Variants in IGFN1 observed in about 807,000 individuals in gnomAD.
IGFN1 encodes immunoglobulin like and fibronectin type III domain containing 1.
A neutral mutation model predicts 289.5 loss-of-function variants in IGFN1; 253 were observed. The observed-to-expected ratio is 0.87, with a 90% CI of 0.79 to 0.97. IGFN1 has a LOEUF of 0.97. IGFN1 is among the 50% of genes least tolerant of loss of function. The pLI is 0.00. For synonymous variants in IGFN1, 1,706 were observed against 1,788.5 expected (o/e 0.95, Z 1.16); for missense variants, 4,470 against 4,686.1 (o/e 0.95, Z 1.35).
chr1:201,207,174 C>T lies in IGFN1; in HGVS notation c.2281C>T (p.Arg761Trp), dbSNP rs547402627. ...DSLQEADGIC[R>W]GESVVTGSAY... ...ACTGCAGGAGGCAGATGGTATATGC[C>T]GGGGGGAGTCTGTAGTTACAGGAAG... The change falls in exon 12 of 24, where the codon CGG becomes TGG. Residue 761 changes from arginine (R) to tryptophan (W), a missense_variant. By Grantham distance (101) the Arg-to-Trp change is moderately radical. Around this residue, in one of 8 missense-constraint regions of IGFN1, gnomAD observed 2,011 missense variants for 1,953.4 expected, o/e 1.03. Transcript: ENST00000335211. The T allele has an allele frequency of 1.0e-4, 155 of 1,536,778 alleles. No individual in the cohort carries two copies. In the African/African-American group the frequency reaches 1.6e-3, roughly 16 times the overall value.
In IGFN1 at chr1:201,211,054, A is replaced by C. The variant is rs761386904; in HGVS notation, c.6161A>C (p.Asp2054Ala). ...TCAGGAAGTAAGGCAGGTTTTAGGG[A>C]TGGTTTAGGGAGTTCTGTAGAAATG... ...IGSGSKAGFR[D>A]GLGSSVEMGS... is the part of the protein sequence containing the mutation. Residue 2054 changes from aspartate to alanine, a missense_variant, in exon 12 of 24, where the codon GAT becomes GCT. Around this residue, in one of 8 missense-constraint regions of IGFN1, gnomAD observed 20 missense variants for 29.1 expected, o/e 0.69. Transcript: ENST00000335211. 2.0e-6 allele frequency: 3 copies of C among 1,499,388 alleles called. No individual in the cohort carries two copies. The South Asian group carries it at 3.7e-5, about 18-fold the overall frequency. The allele number at this position is 1,499,388 out of a possible 1,614,324, so 92.9% of individuals were successfully genotyped here.
At chr1:201,227,231 T>G (rs1476310779) in intron 23 of IGFN1, 23 bp downstream of exon 23, 1 of 1,533,840 alleles carries the variant, frequency 6.5e-7, no homozygotes, top group Admixed American at 2.0e-5. Flanking sequence ...GCCCTGGCAG[T>G]GGGGCAGGAA....
In IGFN1 at chr1:201,218,591, T is replaced by C. The variant is rs1217767081; in HGVS notation, c.9831T>C (p.Ala3277=). The part of the protein sequence containing the change: ...QGCQYEFRVT[A]VAPSGPGEPG... ...GTCAGTATGAGTTCCGGGTCACAGC[T>C]GTGGCTCCCTCAGGTCCCGGAGAGC... Residue 3277 remains alanine, a synonymous_variant, in exon 18 of 24, where the codon GCT becomes GCC. Coordinates refer to ENST00000335211, the MANE Select transcript of IGFN1 (RefSeq NM_001164586.2). 1.9e-6 allele frequency: 3 copies of C among 1,613,152 alleles called. No homozygotes were observed. The highest frequency in any genetic ancestry group is 2.5e-6 in the Non-Finnish European group (3 of 1,179,936).
In IGFN1 at chr1:201,201,915, A is replaced by T. The variant is rs948709239; in HGVS notation, c.747+83A>T. The T allele has an allele frequency of 1.2e-5, 9 of 726,582 alleles. No homozygotes were observed. The East Asian group carries it at 1.4e-4, about 11-fold the overall frequency. 45.0% of individuals were successfully genotyped at this position (726,582 alleles called of 1,614,324 possible). Reference sequence around the variant, plus strand: ...GGAGAGGGAACTATGGGTACCCTGCATTCCTCCAAGGGAACAACCAGAGCA... The same window carrying T: ...GGAGAGGGAACTATGGGTACCCTGCTTTCCTCCAAGGGAACAACCAGAGCA... On this transcript the variant is annotated intron_variant, in intron 9 of 23. Coordinates refer to ENST00000335211, the MANE Select transcript of IGFN1 (RefSeq NM_001164586.2).
At chr1:201,201,539 T>C (rs924468146) in intron 8 of IGFN1, among the ~76,000 whole-genome samples, 180 bp from the exon 9 acceptor site, 4 of 152,222 alleles carry the variant, frequency 2.6e-5, no homozygotes, top group Admixed American at 2.6e-4. Flanking sequence ...TGATCTGATC[T>C]CTCATCTTGG....
At chr1:201,216,380 T>C (rs1248697035) in intron 15 of IGFN1, 74 bp from the exon 16 acceptor site, 31 of 1,161,334 alleles carry the variant, frequency 2.7e-5, no homozygotes, top group Middle Eastern at 3.0e-4. Context: ...TGGCGGGGAG[T>C]TGGGGGGGTT....
Position 201,215,573 on chromosome 1 carries a change from A to T in IGFN1, c.9030A>T (p.Lys3010Asn). Reference sequence around the variant, plus strand: ...CCATTGCTCCAGATGTGACAGAGAAACTGAGAGAGCCACTGGTGGTCAAGG... The same window carrying T: ...CCATTGCTCCAGATGTGACAGAGAATCTGAGAGAGCCACTGGTGGTCAAGG... Reference protein sequence around the residue: ...SPTIAPDVTEKLREPLVVKAG... With the variant: ...SPTIAPDVTENLREPLVVKAG... The change falls in exon 15 of 24, where the codon AAA becomes AAT. Residue 3010 changes from lysine (K) to asparagine (N), a missense_variant. Lys to Asn is a moderately conservative substitution (Grantham distance 94). Transcript: ENST00000335211. The T allele has an allele frequency of 6.2e-7, 1 of 1,603,072 alleles. No individual in the cohort carries two copies. Among genetic ancestry groups the T allele is most frequent in the Non-Finnish European group, 8.5e-7 (1 of 1,174,540 alleles).
At position 201,216,657 on chromosome 1, in the gene IGFN1, GAGCCAGGC is replaced by G; in HGVS notation, c.9502_9509del (p.Pro3168GlufsTer21). The G allele has an allele frequency of 6.2e-7, 1 of 1,614,100 alleles. No homozygotes were observed. Among genetic ancestry groups the G allele is most frequent in the Non-Finnish European group, 8.5e-7 (1 of 1,179,996 alleles). ...CACCACCTTCACGGATGCCCATGTG[GAGCCAGGC>G]AGGAAGTATACCTTCCGAGTGCGGG... is the stretch of plus-strand genomic sequence containing the variant. On this transcript the variant is annotated frameshift_variant, in exon 16 of 24. Coordinates refer to ENST00000335211, the MANE Select transcript of IGFN1 (RefSeq NM_001164586.2). LOFTEE classifies it high-confidence loss of function.
chr1:201,196,009 G>T (rs923920234), intron 4 of IGFN1, 31 bp downstream of exon 4: 4 of 1,546,348 alleles, frequency 2.6e-6, no homozygotes, highest in Non-Finnish European at 3.5e-6. Context: ...CCTGACCAGG[G>T]TCTACTCGTC....
Position 201,225,863 on chromosome 1 carries a change from A to G in IGFN1, c.10526A>G (p.Asn3509Ser), listed in dbSNP as rs771501168. 5 of 1,613,050 alleles carry G rather than the reference A, an allele frequency of 3.1e-6. No individual in the cohort carries two copies. The South Asian group carries it at 5.5e-5, about 18-fold the overall frequency. The part of the protein sequence containing the change: ...QAPGPIHLQE[N>S]VPGTVTAEWE... ...CCTGGGCCCATCCACCTGCAGGAGA[A>G]CGTGCCTGGGACGGTGACGGCCGAG... Residue 3509 changes from asparagine (N) to serine (S), a missense_variant, in exon 22 of 24, where the codon AAC (asparagine) becomes AGC (serine). Asn to Ser is a conservative substitution (Grantham distance 46). Around this residue, in one of 8 missense-constraint regions of IGFN1, gnomAD observed 2,218 missense variants for 2,114.1 expected, o/e 1.05. Transcript: ENST00000335211.
rs1479187759 is a variant in IGFN1, at chr1:201,214,306, T to C, written c.8853+5T>C. On this transcript the variant is annotated splice_donor_5th_base_variant and intron_variant, in intron 13 of 23. Transcript: ENST00000335211. Reference sequence around the variant, plus strand: ...TGGTTTAAGGATGGCGTCAAGGTACTGCCTCCCCTCACACCTTCTCTTTAC... The same window carrying C: ...TGGTTTAAGGATGGCGTCAAGGTACCGCCTCCCCTCACACCTTCTCTTTAC... 1 of 1,604,954 alleles carries C rather than the reference T, an allele frequency of 6.2e-7. No individual in the cohort carries two copies. The highest frequency in any genetic ancestry group is 2.2e-5 in the East Asian group (1 of 44,614).
In IGFN1 at chr1:201,191,554, T is replaced by C. The variant is rs1666659574; in HGVS notation, c.-48+647T>C. Among the ~76,000 whole-genome samples, 5 of 152,354 alleles carry C rather than the reference T, an allele frequency of 3.3e-5. No individual in the cohort carries two copies. The South Asian group carries it at 1.0e-3, about 32-fold the overall frequency. On this transcript the variant is annotated intron_variant, in intron 1 of 23. Transcript: ENST00000335211. ...TCTTCTCAAATGTGGGAATGAATTA[T>C]GGAGGAGAGAATTCATTTCCTTTCT...
Position 201,208,597 on chromosome 1 carries a change from G to C in IGFN1, c.3704G>C (p.Arg1235Thr), listed in dbSNP as rs1667550510. Residue 1235 changes from arginine (R) to threonine (T), a missense_variant, in exon 12 of 24, where the codon AGG (arginine) becomes ACG (threonine). Arg to Thr is a moderately conservative substitution (Grantham distance 71). Transcript: ENST00000335211. Reference sequence around the variant, plus strand: ...GGGGTCAGAACAGCCTATGGAGAAAGGTCAAGGGGCCTTGGGCCTAGGAGT... The same window carrying C: ...GGGGTCAGAACAGCCTATGGAGAAACGTCAAGGGGCCTTGGGCCTAGGAGT... The part of the protein sequence containing the change: ...GTGVRTAYGE[R>T]SRGLGPRSTG... 2.7e-6 allele frequency: 4 copies of C among 1,497,320 alleles called. No individual in the cohort carries two copies. The African/African-American group carries it at 5.6e-5, about 21-fold the overall frequency. 92.8% of individuals were successfully genotyped at this position (1,497,320 alleles called of 1,614,324 possible).
chr1:201,211,384 T>C lies in IGFN1; in HGVS notation c.6491T>C (p.Leu2164Ser). ...AGTAAGGCAGGTTTTAGGGATGGTT[T>C]AGGGAGTTCTGGGGAAATGGGGTCA... ...SESKAGFRDGLGSSGEMGSMD... is the reference protein window; with the variant it reads ...SESKAGFRDGSGSSGEMGSMD... The change falls in exon 12 of 24, where the codon TTA becomes TCA. Residue 2164 changes from leucine to serine, a missense_variant. Physicochemically the swap from Leu to Ser is moderately radical, Grantham distance 145. Coordinates refer to ENST00000335211, the MANE Select transcript of IGFN1 (RefSeq NM_001164586.2). 5 of 1,490,252 alleles carry C rather than the reference T, an allele frequency of 3.4e-6. No individual in the cohort carries two copies. Among genetic ancestry groups the C allele is most frequent in the Non-Finnish European group, 4.5e-6 (5 of 1,118,308 alleles). 92.3% of individuals were successfully genotyped at this position (1,490,252 alleles called of 1,614,324 possible). A position where few individuals can be genotyped will look rare whatever the true frequency, so the allele number is the denominator to read the frequency against.
intron 13 of IGFN1, among the ~76,000 whole-genome samples, chr1:201,214,730 T>C (rs1007110440): frequency 1.3e-5 from 2 of 152,202 alleles, no homozygotes; most frequent in Admixed American, 1.3e-4. Context: ...AAGTCTGGCT[T>C]CAGATCCCAG....
At chr1:201,226,829 C>A in intron 22 of IGFN1, 53 bp from the exon 23 acceptor site, 2 of 1,400,384 alleles carry the variant, frequency 1.4e-6, no homozygotes, top group Non-Finnish European at 2.0e-6. Context: ...CGGGTCTCAG[C>A]CAGGCCTTCC....
rs1321549763 is a variant in IGFN1, at chr1:201,208,549, A to G, written c.3656A>G (p.Glu1219Gly). ...GNVLGYEDGS[E>G]LPGPQGTGVR... ...GTGCTGGGTTATGAGGATGGATCAGAACTTCCAGGGCCTCAGGGAACTGGG... is the reference window on the plus strand; with the variant it reads ...GTGCTGGGTTATGAGGATGGATCAGGACTTCCAGGGCCTCAGGGAACTGGG... The change falls in exon 12 of 24, where the codon GAA becomes GGA. Residue 1219 changes from glutamate to glycine, a missense_variant. By Grantham distance (98) the Glu-to-Gly change is moderately conservative (BLOSUM62 -2). Around this residue, in one of 8 missense-constraint regions of IGFN1, gnomAD observed 2,011 missense variants for 1,953.4 expected, o/e 1.03. Coordinates refer to ENST00000335211, the MANE Select transcript of IGFN1 (RefSeq NM_001164586.2). 1 of 1,464,132 alleles carries G rather than the reference A, an allele frequency of 6.8e-7. No homozygotes were observed. Among genetic ancestry groups the G allele is most frequent in the Non-Finnish European group, 9.0e-7 (1 of 1,116,548 alleles). The allele number at this position is 1,464,132 out of a possible 1,614,324, so 90.7% of individuals were successfully genotyped here.
In IGFN1 at chr1:201,212,526, C is replaced by G. The variant is rs1485202796; in HGVS notation, c.7633C>G (p.Leu2545Val). 10 of 1,547,464 alleles carry G rather than the reference C, an allele frequency of 6.5e-6. No individual in the cohort carries two copies. The Admixed American group carries it at 1.6e-4, about 24-fold the overall frequency. Residue 2545 changes from leucine to valine, a missense_variant, in exon 12 of 24, where the codon CTA becomes GTA. Coordinates refer to ENST00000335211, the MANE Select transcript of IGFN1 (RefSeq NM_001164586.2). Reference protein sequence around the residue: ...EGETWAGMAALGSGYERDIWK... With the variant: ...EGETWAGMAAVGSGYERDIWK... ...TGAGACCTGGGCAGGAATGGCTGCT[C>G]TAGGGTCTGGATATGAACGGGACAT...
rs1558161566 is a variant in IGFN1 at position 201,224,784 on chromosome 1, G to A, written c.10396G>A (p.Ala3466Thr). The change falls in exon 21 of 24, where the codon GCT becomes ACT. Residue 3466 changes from alanine (A) to threonine (T), a missense_variant. Physicochemically the swap from Ala to Thr is moderately conservative, Grantham distance 58. Coordinates refer to ENST00000335211, the MANE Select transcript of IGFN1 (RefSeq NM_001164586.2). ...DGLTQLLIPV[A>T]GLSDSGLYTV... ...CCTCACCCAGCTTCTGATCCCTGTG[G>A]CTGGACTCTCAGACAGTGGTCTCTA... is the stretch of plus-strand genomic sequence containing the variant. 1 of 1,614,220 alleles carries A rather than the reference G, an allele frequency of 6.2e-7. No individual in the cohort carries two copies. Among genetic ancestry groups the A allele is most frequent in the Non-Finnish European group, 8.5e-7 (1 of 1,180,040 alleles).
Sources: allele counts gnomAD v4.1 joint callset (sites outside exome capture counted in the v4.1 genomes callset), GRCh38; gene constraint gnomAD v4.1.1; regional missense constraint gnomAD v4.1.1; transcripts MANE v1.5; gene names NCBI Gene and HGNC (gene_info 2026-07-23, HGNC 2026-07-21).